TLN2: variants seen among roughly 807,000 people sequenced by gnomAD.
The protein encoded by TLN2 is talin-2.
In TLN2, 118 loss-of-function variants were observed where a neutral mutation model predicts 294.7. That is an observed-to-expected ratio of 0.40 (90% CI 0.34 to 0.47). The LOEUF is 0.47. TLN2 is among the 20% of genes least tolerant of loss of function. The pLI is 0.84. For missense variants in TLN2, 3,083 were observed against 3,282.2 expected, an observed-to-expected ratio of 0.94 and a Z score of 1.48; for synonymous variants, 1,431 against 1,304.5, an observed-to-expected ratio of 1.10 and a Z score of -2.09.
chr15:62,701,623 A>C (rs546930205), intron 17 of TLN2, among the ~76,000 whole-genome samples: 1 of 152,256 alleles, frequency 6.6e-6, no homozygotes, highest in South Asian at 2.1e-4. Context: ...TGTGGCTCCC[A>C]GCCTTTCACT....
intron 11 of TLN2, 54 bp from the exon 12 acceptor site, chr15:62,686,587 A>G (rs980293939): frequency 2.1e-5 from 32 of 1,560,582 alleles, no homozygotes; most frequent in Non-Finnish European, 2.6e-5. Context: ...ATTCCCTGGC[A>G]AAGTCAGATG....
intron 32 of TLN2, among the ~76,000 whole-genome samples, chr15:62,741,708 T>G (rs2061327214): frequency 7.1e-6 from 1 of 141,696 alleles, no homozygotes; most frequent in Admixed American, 7.1e-5. Context: ...TAGCTTTGAT[T>G]CTGCTTTCCT....
intron 3 of TLN2, among the ~76,000 whole-genome samples, chr15:62,634,786 G>A (rs1174143014): frequency 6.6e-6 from 1 of 152,140 alleles, no homozygotes; most frequent in African/African-American, 2.4e-5. Flanking sequence ...TAAAAACCTG[G>A]GCTTGCAGAA....
intron 40 of TLN2, 88 bp from the exon 41 acceptor site, chr15:62,766,233 C>T: frequency 8.7e-7 from 1 of 1,150,794 alleles, no homozygotes; most frequent in Non-Finnish European, 1.3e-6. Flanking sequence ...TGTGTGGCCT[C>T]TGTCATTTTT....
intron 7 of TLN2, 133 bp downstream of exon 7, chr15:62,653,447 T>A: frequency 9.0e-7 from 1 of 1,115,474 alleles, no homozygotes; most frequent in African/African-American, 1.6e-5. Context: ...AAAAGTAGGC[T>A]GGGCTCAGTG....
intron 1 of TLN2, among the ~76,000 whole-genome samples, chr15:62,498,585 G>C (rs1425763659): frequency 6.6e-6 from 1 of 152,170 alleles, no homozygotes; most frequent in Admixed American, 6.5e-5. Flanking sequence ...ACATGCTTCT[G>C]TATCGGTGGC....
intron 28 of TLN2, among the ~76,000 whole-genome samples, chr15:62,734,396 C>T (rs369976757): frequency 5.9e-5 from 9 of 152,106 alleles, no homozygotes; most frequent in African/African-American, 1.9e-4. Context: ...TCCTAAAACC[C>T]GTGAGAAAGG....
Position 62,761,840 on chromosome 15 carries a change from A to G in TLN2, c.4779+19A>G. The stretch of plus-strand genomic sequence containing the variant: ...CTCCGAGGTAGGGAGTGTTTACAGG[A>G]ACATCATACTAAGGTCTTTGGCTAA... On this transcript the variant is annotated intron_variant, in intron 38 of 58. Transcript: ENST00000636159. 6.2e-7 allele frequency: 1 copy of G among 1,613,878 alleles called. No homozygotes were observed. Among genetic ancestry groups the G allele is most frequent in the Non-Finnish European group, 8.5e-7 (1 of 1,179,830 alleles).
chr15:62,442,361 G>A (rs113745965), intron 1 of TLN2, among the ~76,000 whole-genome samples: 1 of 151,954 alleles, frequency 6.6e-6, no homozygotes, highest in East Asian at 1.9e-4. Context: ...TGGTGTGGTG[G>A]TGCGTGCCTG....
chr15:62,653,973 G>C (rs1023824176), intron 7 of TLN2, among the ~76,000 whole-genome samples: 7 of 152,216 alleles, frequency 4.6e-5, no homozygotes, highest in African/African-American at 1.4e-4. Flanking sequence ...ATATTTATGG[G>C]ATGCATTGTG....
intron 1 of TLN2, among the ~76,000 whole-genome samples, chr15:62,418,912 C>T (rs2034233356): frequency 6.6e-6 from 1 of 152,112 alleles, no homozygotes; most frequent in Non-Finnish European, 1.5e-5. Flanking sequence ...TTGCTTCAGG[C>T]CATCTGGATG....
At chr15:62,505,059 C>T (rs2039532775) in intron 1 of TLN2, among the ~76,000 whole-genome samples, 2 of 152,100 alleles carry the variant, frequency 1.3e-5, no homozygotes, top group Admixed American at 1.3e-4. Flanking sequence ...CAGGTTCAAG[C>T]GATTCTCCTG....
intron 1 of TLN2, among the ~76,000 whole-genome samples, chr15:62,572,493 G>T (rs568454586): frequency 5.3e-5 from 8 of 152,074 alleles, no homozygotes; most frequent in Non-Finnish European, 1.0e-4. Context: ...CTATCCTCTC[G>T]CCTTGTCCTC....
chr15:62,738,110 T>G (rs1030756412), intron 29 of TLN2, 104 bp from the exon 30 acceptor site: 412 of 1,343,080 alleles, frequency 3.1e-4, no homozygotes, highest in East Asian at 1.3e-3. Flanking sequence ...TGCTGGTGGG[T>G]CATTTCCGTA....
At chr15:62,549,742 A>G (rs373939425) in intron 1 of TLN2, among the ~76,000 whole-genome samples, 3 of 152,306 alleles carry the variant, frequency 2.0e-5, no homozygotes, top group East Asian at 1.9e-4. Flanking sequence ...TGTTTAGTAG[A>G]AATGATGTTT....
chr15:62,489,249 C>T (rs889935662), intron 1 of TLN2, among the ~76,000 whole-genome samples: 3 of 152,174 alleles, frequency 2.0e-5, no homozygotes, highest in Admixed American at 2.0e-4. Flanking sequence ...TGCTCCTTTT[C>T]TTCACTTTTT....
chr15:62,606,485 A>T (rs2047459051), intron 2 of TLN2, among the ~76,000 whole-genome samples: 1 of 152,158 alleles, frequency 6.6e-6, no homozygotes, highest in Non-Finnish European at 1.5e-5. Context: ...CGATGATAGA[A>T]TCCAGCTAGG....
intron 54 of TLN2, among the ~76,000 whole-genome samples, chr15:62,824,485 C>CT (rs949695434): frequency 2.6e-5 from 4 of 152,196 alleles, no homozygotes; most frequent in Non-Finnish European, 5.9e-5. Flanking sequence ...TATGACTTCC[C>CT]TTTCCACTCA....
chr15:62,642,696 TTTCTG>T (rs1251649116), intron 3 of TLN2, among the ~76,000 whole-genome samples: 23 of 148,078 alleles, frequency 1.6e-4, no homozygotes, highest in African/African-American at 6.0e-4. Context: ...GTTTGTTTGT[TTTCTG>T]TTTTTTTTTT....
Sources: allele counts gnomAD v4.1 joint callset (sites outside exome capture counted in the v4.1 genomes callset), GRCh38; gene constraint gnomAD v4.1.1; transcripts MANE v1.5; gene names NCBI Gene and HGNC (gene_info 2026-07-23, HGNC 2026-07-21).